The following MYOM1 variants were observed in gnomAD, a reference collection of about 807,000 sequenced individuals.
The protein encoded by MYOM1 is myomesin 1.
MYOM1 carries 164 observed loss-of-function variants against 205.3 expected under a neutral mutation model. The ratio of observed to expected loss-of-function variants is 0.80; its 90% confidence interval spans 0.70 to 0.91. The LOEUF (loss-of-function observed/expected upper bound fraction) is 0.91, where lower values mean the gene tolerates loss of function less well. Ranked by LOEUF, MYOM1 falls within the 40% of genes least tolerant of loss-of-function variation. The probability of loss-of-function intolerance (pLI) is 0.00; values close to 1 mark genes in which losing one functional copy is unlikely to be tolerated. For synonymous variants in MYOM1, 772 were observed against 789.4 expected (o/e 0.98, Z 0.37); for missense variants, 2,011 against 2,127.3 (o/e 0.95, Z 1.08).
At position 3,085,035 on chromosome 18, in the gene MYOM1, G is replaced by C; in HGVS notation, c.4339+10C>G. 6.3e-7 allele frequency: 1 copy of C among 1,594,440 alleles called. No homozygotes were observed. The highest frequency in any genetic ancestry group is 8.6e-7 in the Non-Finnish European group (1 of 1,168,912). ...CACACAAGACAGACCCCAGCAGTTG[G>C]TGGACTGACCTTCATCCACAAGCTT... On this transcript the variant is annotated intron_variant, in intron 31 of 37. Coordinates refer to ENST00000356443, the MANE Select transcript of MYOM1 (RefSeq NM_003803.4).
intron 36 of MYOM1, among the ~76,000 whole-genome samples, chr18:3,075,108 T>C (rs2079007198): frequency 6.6e-6 from 1 of 152,190 alleles, no homozygotes; most frequent in Admixed American, 6.5e-5. Flanking sequence ...ACAATGTTTC[T>C]TGTTGCTTCT....
chr18:3,191,734 G>C (rs993716664), intron 3 of MYOM1, among the ~76,000 whole-genome samples: 2 of 149,978 alleles, frequency 1.3e-5, no homozygotes, highest in Non-Finnish European at 3.0e-5. Flanking sequence ...CTCACTCTGT[G>C]GCCCAGGCTG....
rs370298521 is a variant in MYOM1, at chr18:3,167,572, A to G, written c.1339+1245T>C. 1.6e-4 allele frequency among the ~76,000 whole-genome samples: 25 copies of G among 152,160 alleles called. No individual in the cohort carries two copies. In the East Asian group the frequency reaches 3.9e-3, roughly 23 times the overall value. ...CTAATTTTTGTATTTTTTGGTAGAG[A>G]CAGGGTTTCACCATGTTGGCCAGGC... On this transcript the variant is annotated intron_variant, in intron 9 of 37. Transcript: ENST00000356443.
At chr18:3,138,978 T>A (rs2080010682) in intron 14 of MYOM1, among the ~76,000 whole-genome samples, 1 of 152,036 alleles carries the variant, frequency 6.6e-6, no homozygotes, top group African/African-American at 2.4e-5. Context: ...AGTTTCCTCA[T>A]CTACAAAATA....
intron 34 of MYOM1, among the ~76,000 whole-genome samples, chr18:3,076,256 C>A (rs570103723): frequency 6.6e-6 from 1 of 152,066 alleles, no homozygotes; most frequent in South Asian, 2.1e-4. Flanking sequence ...TTAGTAGATA[C>A]GGGGTTTCAC....
chr18:3,165,841 G>T (rs1408672238), intron 9 of MYOM1, among the ~76,000 whole-genome samples: 1 of 152,118 alleles, frequency 6.6e-6, no homozygotes, highest in Non-Finnish European at 1.5e-5. Context: ...ACTGCTGCTG[G>T]TGCCACCACC....
chr18:3,176,140 A>C lies in MYOM1; in HGVS notation c.930-6T>G, dbSNP rs1402111338. The C allele has an allele frequency of 6.5e-7, 1 of 1,548,808 alleles. No individual in the cohort carries two copies. The highest frequency in any genetic ancestry group is 1.1e-5 in the South Asian group (1 of 89,280). ...TTGGCACCTGGTTTTTATACCTATAACAGAATGGAAACAAAATGAAGTAAG... is the reference window on the plus strand; with the variant it reads ...TTGGCACCTGGTTTTTATACCTATACCAGAATGGAAACAAAATGAAGTAAG... On this transcript the variant is annotated splice_region_variant and splice_polypyrimidine_tract_variant and intron_variant, in intron 5 of 37. Transcript: ENST00000356443.
upstream of MYOM1, among the ~76,000 whole-genome samples, chr18:3,224,336 GT>G (rs2081343625): frequency 6.6e-6 from 1 of 152,204 alleles, no homozygotes; most frequent in Admixed American, 6.5e-5. Flanking sequence ...ATTAGATCTA[GT>G]TTGAATGTTG....
In MYOM1 at chr18:3,172,731, G is replaced by A. The variant is rs554924182; in HGVS notation, c.1174+1207C>T. 9.2e-5 allele frequency among the ~76,000 whole-genome samples: 14 copies of A among 152,178 alleles called. No individual in the cohort carries two copies. In the East Asian group the frequency reaches 9.7e-4, roughly 10 times the overall value. On this transcript the variant is annotated intron_variant, in intron 8 of 37. Coordinates refer to ENST00000356443, the MANE Select transcript of MYOM1 (RefSeq NM_003803.4). ...CATGATGTTGCACCAGGCTGGTCTCGAACTCCTGACCTCAGGTGATCCACC... is the reference window on the plus strand; with the variant it reads ...CATGATGTTGCACCAGGCTGGTCTCAAACTCCTGACCTCAGGTGATCCACC...
At chr18:3,145,909 C>T (rs768896547) in intron 13 of MYOM1, among the ~76,000 whole-genome samples, 6 of 151,680 alleles carry the variant, frequency 4.0e-5, no homozygotes, top group Admixed American at 6.6e-5. Context: ...AAGTAAAACA[C>T]GAATATTAGG....
intron 22 of MYOM1, among the ~76,000 whole-genome samples, chr18:3,107,717 T>C (rs1039873433): frequency 3.3e-5 from 5 of 152,310 alleles, no homozygotes; most frequent in African/African-American, 1.2e-4. Context: ...TGAAACCGCC[T>C]TTGCAAAATT....
Position 3,162,230 on chromosome 18 carries a change from T to C in MYOM1, c.1501+2048A>G, listed in dbSNP as rs1598734784. 2.0e-5 allele frequency among the ~76,000 whole-genome samples: 3 copies of C among 152,252 alleles called. No individual in the cohort carries two copies. In the South Asian group the frequency reaches 6.2e-4, roughly 32 times the overall value. On this transcript the variant is annotated intron_variant, in intron 10 of 37. Transcript: ENST00000356443. ...AATTCTTAGGGCCCAGAGGGGAGCA[T>C]GACTGATATGCAAACTAGCCACTTC...
chr18:3,110,747 T>C (rs2079514771), intron 22 of MYOM1, among the ~76,000 whole-genome samples: 1 of 151,558 alleles, frequency 6.6e-6, no homozygotes, highest in Admixed American at 6.6e-5. Flanking sequence ...TTTCTTTTTT[T>C]TTTTTTTTAG....
chr18:3,233,924 ATAGT>A, the MYOM1 span, among the ~76,000 whole-genome samples: 6 of 152,238 alleles, frequency 3.9e-5, no homozygotes, highest in African/African-American at 1.4e-4. Context: ...ATTCTTATCA[ATAGT>A]TAGTATGTTT....
chr18:3,087,382 G>A lies in MYOM1; in HGVS notation c.4138-1231C>T, dbSNP rs540600208. On this transcript the variant is annotated intron_variant, in intron 29 of 37. Coordinates refer to ENST00000356443, the MANE Select transcript of MYOM1 (RefSeq NM_003803.4). ...TGCCCAAAGTGGATCTTGTCTCCTT[G>A]CATCTGAGCTTTCTGTTGTCCGGGA... Among the ~76,000 whole-genome samples, 25 of 150,744 alleles carry A rather than the reference G, an allele frequency of 1.7e-4. 1 individual carries two copies. The highest frequency in any genetic ancestry group is 3.5e-4 in the Non-Finnish European group (24 of 67,868).
intron 10 of MYOM1, among the ~76,000 whole-genome samples, chr18:3,161,340 G>A (rs1232003905): frequency 6.6e-6 from 1 of 152,178 alleles, no homozygotes; most frequent in Non-Finnish European, 1.5e-5. Context: ...CCTGCTAACT[G>A]TCCCCAGCAA....
chr18:3,230,560 C>T, the MYOM1 span, among the ~76,000 whole-genome samples: 2 of 152,204 alleles, frequency 1.3e-5, no homozygotes, highest in Non-Finnish European at 2.9e-5. Context: ...TGATTGGTCA[C>T]TTTCTGCAAC....
At chr18:3,215,276 G>C in intron 1 of MYOM1, 25 bp from the exon 2 acceptor site, 1 of 1,513,398 alleles carries the variant, frequency 6.6e-7, no homozygotes, top group Non-Finnish European at 8.9e-7. Flanking sequence ...CACTTTTTGA[G>C]TGACTTATTA....
At chr18:3,077,260 C>T (rs1003272152) in intron 34 of MYOM1, among the ~76,000 whole-genome samples, 20 of 152,028 alleles carry the variant, frequency 1.3e-4, no homozygotes, top group Non-Finnish European at 5.9e-5. Flanking sequence ...CTCAATCGAT[C>T]CCCCTGCCTC....
Sources: allele counts gnomAD v4.1 joint callset (sites outside exome capture counted in the v4.1 genomes callset), GRCh38; gene constraint gnomAD v4.1.1; transcripts MANE v1.5; gene names NCBI Gene and HGNC (gene_info 2026-07-23, HGNC 2026-07-21).